ACOT11: variants seen among roughly 807,000 people sequenced by gnomAD.
The protein encoded by ACOT11 is acyl-coenzyme A thioesterase 11.
ACOT11 carries 69 observed loss-of-function variants against 77.5 expected under a neutral mutation model. That is an observed-to-expected ratio of 0.89 (90% CI 0.73 to 1.09). ACOT11 has a LOEUF of 1.09. Ranked by LOEUF, ACOT11 falls within the 50% of genes least tolerant of loss-of-function variation. The probability of loss-of-function intolerance (pLI) is 0.00; values close to 1 mark genes in which losing one functional copy is unlikely to be tolerated. For synonymous variants in ACOT11, 279 were observed against 313.0 expected (o/e 0.89, Z 1.15); for missense variants, 766 against 813.7 (o/e 0.94, Z 0.71).
chr1:54,623,409 G>T, intron 15 of ACOT11: 1 of 1,603,358 alleles, frequency 6.2e-7, no homozygotes, highest in Non-Finnish European at 8.5e-7. Context: ...GACGCTCTCT[G>T]GGGAATGCCC....
At chr1:54,591,301 C>T (rs1654704285) in intron 3 of ACOT11, among the ~76,000 whole-genome samples, 1 of 152,220 alleles carries the variant, frequency 6.6e-6, no homozygotes, top group Non-Finnish European at 1.5e-5. Context: ...CCCTCAGAAC[C>T]ACAGGCAGTA....
chr1:54,549,677 G>C (rs893567005), intron 1 of ACOT11, among the ~76,000 whole-genome samples: 4 of 152,202 alleles, frequency 2.6e-5, no homozygotes, highest in Admixed American at 2.0e-4. Flanking sequence ...GGAGCAACAC[G>C]AGGCTGCTCT....
intron 1 of ACOT11, among the ~76,000 whole-genome samples, chr1:54,570,681 CTT>C (rs35537173): frequency 1.0e-4 from 15 of 146,684 alleles, no homozygotes; most frequent in Non-Finnish European, 1.3e-4. Context: ...CGTGCCTGGC[CTT>C]TTTTTTTTTT....
At chr1:54,548,565 GGCT>G in intron 1 of ACOT11, 1 of 620,702 alleles carries the variant, frequency 1.6e-6, no homozygotes, top group Non-Finnish European at 2.8e-6. Flanking sequence ...CCCACGGGCT[GGCT>G]GTGTAGAGTG....
At chr1:54,624,854 T>C (rs548378424) in intron 15 of ACOT11, among the ~76,000 whole-genome samples, 39 of 151,592 alleles carry the variant, frequency 2.6e-4, no homozygotes, top group African/African-American at 9.0e-4. Context: ...AAAGTGAGGA[T>C]GGGAGCAGGA....
chr1:54,549,374 C>T (rs1178562957), intron 1 of ACOT11, among the ~76,000 whole-genome samples: 1 of 152,198 alleles, frequency 6.6e-6, no homozygotes, highest in South Asian at 2.1e-4. Context: ...CCTCTGCTGT[C>T]CCTGCTTCAG....
At position 54,589,916 on chromosome 1, in the gene ACOT11, G is replaced by A. The variant is rs572662888; in HGVS notation, c.312-2630G>A. ...ATCCTGGCTAACACGGTGAAACCCCGTCTCTACTAAAAATACAAAAAATTC... is the reference window on the plus strand; with the variant it reads ...ATCCTGGCTAACACGGTGAAACCCCATCTCTACTAAAAATACAAAAAATTC... On this transcript the variant is annotated intron_variant, in intron 3 of 15. Transcript: ENST00000343744. 1.5e-4 allele frequency among the ~76,000 whole-genome samples: 23 copies of A among 152,056 alleles called. 1 individual carries two copies. Among genetic ancestry groups the A allele is most frequent in the East Asian group, 7.7e-4 (4 of 5,164 alleles).
chr1:54,554,351 A>ATTTTTTT (rs35047110), intron 1 of ACOT11, among the ~76,000 whole-genome samples: 2 of 97,258 alleles, frequency 2.1e-5, no homozygotes, highest in African/African-American at 8.6e-5. Flanking sequence ...ATATATATAT[A>ATTTTTTT]TTTTTTTTTT....
intron 1 of ACOT11, chr1:54,582,549 G>C (rs979973565): frequency 1.0e-6 from 1 of 984,688 alleles, no homozygotes; most frequent in African/African-American, 1.7e-5. Flanking sequence ...AGGGACTCCT[G>C]ATTCACAGAA....
At position 54,609,817 on chromosome 1, in the gene ACOT11, G is replaced by A; in HGVS notation, c.*705G>A. ...GGATGCCCCAGTGTCCGGGATGTGT[G>A]GCCAGCTGCTGCAGGCAGGACTCCA... On this transcript the variant is annotated 3_prime_UTR_variant, in exon 16 of 16. Coordinates refer to ENST00000343744, the MANE Select transcript of ACOT11 (RefSeq NM_147161.4). 1 of 1,614,210 alleles carries A rather than the reference G, an allele frequency of 6.2e-7. No individual in the cohort carries two copies. Among genetic ancestry groups the A allele is most frequent in the Admixed American group, 1.7e-5 (1 of 60,028 alleles).
At chr1:54,635,878 C>T (rs1644327957) in exon 17 of ACOT11, 1 of 152,548 alleles carries the variant, frequency 6.6e-6, no homozygotes, top group African/African-American at 2.4e-5. Flanking sequence ...CCATAATGGC[C>T]CTAACGCCCA....
chr1:54,548,734 A>T (rs1013661349), intron 1 of ACOT11: 1 of 258,966 alleles, frequency 3.9e-6, no homozygotes, highest in African/African-American at 2.3e-5. Context: ...CACAAAGCTG[A>T]TGGGAGTGAC....
At chr1:54,615,601 C>A (rs1019211729) in intron 15 of ACOT11, among the ~76,000 whole-genome samples, 1 of 151,578 alleles carries the variant, frequency 6.6e-6, no homozygotes, top group Admixed American at 6.6e-5. Context: ...GTGGATGCAG[C>A]AACTGAGTTG....
In ACOT11 at chr1:54,608,031, G is replaced by A; in HGVS notation, c.1592G>A (p.Gly531Asp). The A allele has an allele frequency of 6.2e-7, 1 of 1,613,050 alleles. No homozygotes were observed. The highest frequency in any genetic ancestry group is 8.5e-7 in the Non-Finnish European group (1 of 1,179,750). Residue 531 changes from glycine to aspartate, a missense_variant, in exon 15 of 16, where the codon GGC (glycine) becomes GAC (aspartate). Physicochemically the swap from Gly to Asp is moderately conservative, Grantham distance 94. Transcript: ENST00000343744. Reference sequence around the variant, plus strand: ...AGACGCGGAGAGACCCTCTGCTCAGGCTTCTGCCTCTGGCGCGAGGGGGAC... The same window carrying A: ...AGACGCGGAGAGACCCTCTGCTCAGACTTCTGCCTCTGGCGCGAGGGGGAC... ...EYRRGETLCS[G>D]FCLWREGDQL...
At chr1:54,559,576 C>T (rs1001717711) in intron 1 of ACOT11, among the ~76,000 whole-genome samples, 2 of 151,330 alleles carry the variant, frequency 1.3e-5, no homozygotes, top group African/African-American at 4.8e-5. Context: ...ACATAATTGG[C>T]CATGGTGAAT....
At chr1:54,630,465 A>G (rs1221839832) in intron 15 of ACOT11, among the ~76,000 whole-genome samples, 1 of 152,216 alleles carries the variant, frequency 6.6e-6, no homozygotes, top group Admixed American at 6.5e-5. Flanking sequence ...AACCCCTTAA[A>G]GGCATTCTTA....
chr1:54,612,689 C>T (rs1246875822), downstream of ACOT11: 9 of 1,613,854 alleles, frequency 5.6e-6, no homozygotes, highest in Non-Finnish European at 6.8e-6. Flanking sequence ...TGGGATACTT[C>T]TCCTGGACCA....
intron 1 of ACOT11, among the ~76,000 whole-genome samples, chr1:54,561,074 GATTTTTT>G (rs771725800): frequency 0.024 from 1,991 of 83,216 alleles, 21 homozygotes; most frequent in Non-Finnish European, 0.036. Context: ...CTGCTTGGCT[GATTTTTT>G]ATTTTTTTTA....
At chr1:54,569,191 G>T (rs990028643) in intron 1 of ACOT11, among the ~76,000 whole-genome samples, 1 of 151,500 alleles carries the variant, frequency 6.6e-6, no homozygotes, top group African/African-American at 2.4e-5. Context: ...CAAACGCCTG[G>T]CTTCAAGCAA....
Sources: gnomAD v4.1 joint callset for allele counts (sites outside exome capture counted in the v4.1 genomes callset) on GRCh38, gnomAD v4.1.1 for gene constraint, MANE v1.5 for transcripts, NCBI Gene and HGNC (gene_info 2026-07-23, HGNC 2026-07-21) for gene names.